Variants in TTLL1 observed in about 807,000 individuals in gnomAD.
TTLL1 encodes polyglutamylase complex subunit TTLL1.
A neutral mutation model predicts 47.8 loss-of-function variants in TTLL1; 33 were observed. The ratio of observed to expected loss-of-function variants is 0.69; its 90% CI spans 0.52 to 0.92. The LOEUF (loss-of-function observed/expected upper bound fraction) is 0.92. Among genes scored for constraint, TTLL1 ranks in the 40% least tolerant of loss-of-function variants. TTLL1 has a pLI of 0.00. For synonymous variants in TTLL1, 225 were observed against 214.1 expected (o/e 1.05, Z -0.45); for missense variants, 488 against 547.5 (o/e 0.89, Z 1.08).
At chr22:43,054,423 C>T (rs908443373) in intron 8 of TTLL1, among the ~76,000 whole-genome samples, 2 of 139,248 alleles carry the variant, frequency 1.4e-5, no homozygotes, top group Admixed American at 7.3e-5. Context: ...GACATAATCT[C>T]TTTTTTTTTT....
At chr22:43,076,504 C>T (rs921114755) in intron 2 of TTLL1, among the ~76,000 whole-genome samples, 2 of 151,838 alleles carry the variant, frequency 1.3e-5, no homozygotes, top group African/African-American at 4.8e-5. Flanking sequence ...GTAATCCCAA[C>T]ACTTTGGGCG....
chr22:43,086,005 C>T (rs773193462), intron 1 of TTLL1, among the ~76,000 whole-genome samples: 2 of 152,198 alleles, frequency 1.3e-5, no homozygotes, highest in African/African-American at 2.4e-5. Context: ...AGTGATCCAC[C>T]GGGCCACGCC....
intron 9 of TTLL1, among the ~76,000 whole-genome samples, chr22:43,048,472 C>A (rs1336216832): frequency 6.1e-5 from 8 of 131,540 alleles, no homozygotes; most frequent in Non-Finnish European, 6.5e-5. Context: ...CCATCTCTAC[C>A]AAAAAAAAAA....
intron 1 of TTLL1, among the ~76,000 whole-genome samples, chr22:43,083,642 T>C (rs887018014): frequency 2.6e-5 from 4 of 151,934 alleles, no homozygotes; most frequent in African/African-American, 4.8e-5. Context: ...GCATGAGAAC[T>C]GCTTGAACTC....
At chr22:43,048,976 T>A (rs965512419) in intron 9 of TTLL1, among the ~76,000 whole-genome samples, 1 of 151,942 alleles carries the variant, frequency 6.6e-6, no homozygotes, top group African/African-American at 2.4e-5. Context: ...CACTAGGCTC[T>A]GCAAAAGAGG....
chr22:43,052,214 G>T (rs1037923537), intron 8 of TTLL1: 8 of 372,328 alleles, frequency 2.1e-5, no homozygotes, highest in Non-Finnish European at 4.1e-5. Context: ...TCCAAGCCCA[G>T]AACCTGCAGT....
chr22:43,042,387 C>A (rs1925755485), intron 10 of TTLL1, among the ~76,000 whole-genome samples: 1 of 152,218 alleles, frequency 6.6e-6, no homozygotes, highest in Admixed American at 6.5e-5. Context: ...GAATCAGAGC[C>A]AAGATGGCTC....
chr22:43,075,714 C>G, intron 2 of TTLL1, 124 bp from the exon 3 acceptor site: 1 of 815,190 alleles, frequency 1.2e-6, no homozygotes. Context: ...GGTTCTCAAC[C>G]AGGAGTGATT....
intron 7 of TTLL1, among the ~76,000 whole-genome samples, chr22:43,061,061 G>A (rs567849501): frequency 6.6e-6 from 1 of 152,166 alleles, no homozygotes; most frequent in East Asian, 1.9e-4. Flanking sequence ...GTGGTGGCGT[G>A]CACCTGTAAC....
chr22:43,082,394 T>C (rs1246462618), intron 1 of TTLL1, among the ~76,000 whole-genome samples: 1 of 152,042 alleles, frequency 6.6e-6, no homozygotes. Flanking sequence ...TCTTTTTATG[T>C]GAGAAAATCT....
At position 43,084,892 on chromosome 22, in the gene TTLL1, G is replaced by C. The variant is rs1007975293; in HGVS notation, c.-90+4385C>G. Reference sequence around the variant, plus strand: ...TAGCCAGGGCCCTGGCTGGGCACTGGAGCTCAACCATGCCTGCACAGAGTA... The same window carrying C: ...TAGCCAGGGCCCTGGCTGGGCACTGCAGCTCAACCATGCCTGCACAGAGTA... On this transcript the variant is annotated intron_variant, in intron 1 of 10. Transcript: ENST00000266254. Among the ~76,000 whole-genome samples, 4 of 151,786 alleles carry C rather than the reference G, an allele frequency of 2.6e-5. No homozygotes were observed. The East Asian group carries it at 7.8e-4, about 29-fold the overall frequency.
chr22:43,054,818 C>T (rs1444959152), intron 8 of TTLL1, among the ~76,000 whole-genome samples: 6 of 151,292 alleles, frequency 4.0e-5, no homozygotes, highest in African/African-American at 1.2e-4. Context: ...CTCCGCCTCC[C>T]GGGTTCACGC....
chr22:43,057,703 A>T (rs1040017313), intron 8 of TTLL1, among the ~76,000 whole-genome samples: 4 of 151,902 alleles, frequency 2.6e-5, no homozygotes, highest in Non-Finnish European at 5.9e-5. Flanking sequence ...CCCTCAGAGA[A>T]AAAAACAAAA....
intron 8 of TTLL1, among the ~76,000 whole-genome samples, chr22:43,055,476 C>CA (rs1926937666): frequency 6.6e-6 from 1 of 151,868 alleles, no homozygotes; most frequent in African/African-American, 2.4e-5. Flanking sequence ...GGACTATAGG[C>CA]ATGCACCACC....
Position 43,069,769 on chromosome 22 carries a change from G to A in TTLL1, c.189C>T (p.Asn63=), listed in dbSNP as rs745842750. 2.1e-5 allele frequency: 34 copies of A among 1,614,178 alleles called. No homozygotes were observed. The highest frequency in any genetic ancestry group is 2.8e-5 in the Non-Finnish European group (33 of 1,180,046). ...GYRLSDDQIV[N]HFPNHYELTR... Reference sequence around the variant, plus strand: ...TCAGTTCATAGTGGTTTGGAAAATGGTTGACTATTTGGTCATCTGAGAGCC... The same window carrying A: ...TCAGTTCATAGTGGTTTGGAAAATGATTGACTATTTGGTCATCTGAGAGCC... Residue 63 remains asparagine (N), a synonymous_variant, in exon 4 of 11, where the codon AAC becomes AAT. Transcript: ENST00000266254.
chr22:43,047,660 G>A (rs912365736), intron 9 of TTLL1, among the ~76,000 whole-genome samples: 7 of 152,048 alleles, frequency 4.6e-5, no homozygotes, highest in Admixed American at 3.9e-4. Flanking sequence ...GTAGAGACAG[G>A]GTTTCACCAT....
At chr22:43,077,251 G>A (rs1248911415) in intron 2 of TTLL1, among the ~76,000 whole-genome samples, 2 of 151,942 alleles carry the variant, frequency 1.3e-5, no homozygotes, top group African/African-American at 2.4e-5. Flanking sequence ...GTTCTGCCAC[G>A]CTGGGCTTCT....
At chr22:43,058,962 G>T (rs1379929513) in intron 8 of TTLL1, among the ~76,000 whole-genome samples, 1 of 151,762 alleles carries the variant, frequency 6.6e-6, no homozygotes, top group African/African-American at 2.4e-5. Flanking sequence ...CAGCGTGCTG[G>T]GATTACAGGC....
chr22:43,050,671 C>T (rs117381782), intron 9 of TTLL1, among the ~76,000 whole-genome samples: 106 of 152,006 alleles, frequency 7.0e-4, no homozygotes, highest in Non-Finnish European at 1.3e-3. Context: ...TACAGGTGCA[C>T]ACCACCACAC....
Sources: gnomAD v4.1 joint callset for allele counts (sites outside exome capture counted in the v4.1 genomes callset) on GRCh38, gnomAD v4.1.1 for gene constraint, MANE v1.5 for transcripts, NCBI Gene and HGNC (gene_info 2026-07-23, HGNC 2026-07-21) for gene names.